Variants in KCNG3 observed in about 807,000 individuals in gnomAD.
KCNG3 encodes potassium voltage-gated channel modifier subfamily G member 3.
Under a neutral mutation model 29.0 loss-of-function variants are expected in KCNG3, and 15 were observed. That is an observed-to-expected ratio of 0.52 (90% confidence interval 0.35 to 0.80). The LOEUF is 0.80. KCNG3 is among the 30% of genes least tolerant of loss of function. The pLI is 0.01. For synonymous variants in KCNG3, 322 were observed against 248.9 expected, an observed-to-expected ratio of 1.29 and a Z score of -2.76; for missense variants, 512 against 605.7, an observed-to-expected ratio of 0.85 and a Z score of 1.62.
intron 1 of KCNG3, among the ~76,000 whole-genome samples, chr2:42,475,961 G>A (rs2103717894): frequency 6.6e-6 from 1 of 152,252 alleles, no homozygotes; most frequent in South Asian, 2.1e-4. Context: ...AGCTACTCGG[G>A]AGGCTGAGGC....
the KCNG3 span, among the ~76,000 whole-genome samples, chr2:42,436,930 A>T: frequency 4.6e-5 from 7 of 152,100 alleles, no homozygotes; most frequent in African/African-American, 1.2e-4. Flanking sequence ...GAAAAATGAA[A>T]TTTTTTTTAA....
At chr2:42,477,539 T>C (rs1206441349) in intron 1 of KCNG3, among the ~76,000 whole-genome samples, 1 of 149,520 alleles carries the variant, frequency 6.7e-6, no homozygotes, top group African/African-American at 2.5e-5. Flanking sequence ...GCCGTTCTCC[T>C]GCCCCAGCCT....
At chr2:42,390,677 G>T in the KCNG3 span, among the ~76,000 whole-genome samples, 2 of 152,098 alleles carry the variant, frequency 1.3e-5, no homozygotes, top group South Asian at 4.1e-4. Context: ...ACCTTTCTCA[G>T]AACTGTCAAA....
At chr2:42,436,067 T>C in the KCNG3 span, among the ~76,000 whole-genome samples, 1 of 152,254 alleles carries the variant, frequency 6.6e-6, no homozygotes, top group Non-Finnish European at 1.5e-5. Context: ...AGGAATGATG[T>C]ACTGATACAT....
At chr2:42,478,664 G>A (rs184736468) in intron 1 of KCNG3, among the ~76,000 whole-genome samples, 150 of 152,298 alleles carry the variant, frequency 9.8e-4, no homozygotes, top group African/African-American at 3.5e-3. Context: ...ACCCCAGGCT[G>A]TGTTAGTTCT....
the KCNG3 span, among the ~76,000 whole-genome samples, chr2:42,408,991 C>A: frequency 6.6e-6 from 1 of 152,122 alleles, no homozygotes; most frequent in African/African-American, 2.4e-5. Context: ...CTGGTCCGGC[C>A]GCAGCCTCAC....
chr2:42,417,927 G>A, the KCNG3 span, among the ~76,000 whole-genome samples: 14 of 151,644 alleles, frequency 9.2e-5, no homozygotes, highest in African/African-American at 1.9e-4. Flanking sequence ...AGCTGAGATC[G>A]CGCCACTGCA....
the KCNG3 span, among the ~76,000 whole-genome samples, chr2:42,398,372 C>G: frequency 6.6e-6 from 1 of 152,162 alleles, no homozygotes; most frequent in East Asian, 1.9e-4. Flanking sequence ...TTGTTTTGCT[C>G]AACTTCTGAG....
the KCNG3 span, chr2:42,425,215 T>G: frequency 6.9e-6 from 1 of 144,826 alleles, no homozygotes; most frequent in Non-Finnish European, 1.5e-5. Context: ...CCGGCCAGCA[T>G]GGCAAAAACC....
the KCNG3 span, among the ~76,000 whole-genome samples, chr2:42,411,750 TG>T: frequency 6.6e-6 from 1 of 152,218 alleles, no homozygotes; most frequent in African/African-American, 2.4e-5. Context: ...CCCAAAGTGC[TG>T]GAATTACAGG....
At chr2:42,428,474 A>G in the KCNG3 span, among the ~76,000 whole-genome samples, 23 of 149,722 alleles carry the variant, frequency 1.5e-4, no homozygotes, top group Admixed American at 6.7e-4. Context: ...AAAAAAAAAA[A>G]AAAAGAAAAG....
At chr2:42,483,025 G>A (rs1372305193) in intron 1 of KCNG3, among the ~76,000 whole-genome samples, 4 of 152,122 alleles carry the variant, frequency 2.6e-5, no homozygotes, top group African/African-American at 9.7e-5. Context: ...GGAGGCTACA[G>A]TGGGAGGATC....
the KCNG3 span, among the ~76,000 whole-genome samples, chr2:42,390,655 G>A: frequency 4.1e-4 from 62 of 152,288 alleles, no homozygotes; most frequent in African/African-American, 1.5e-3. Context: ...TGATCATGTG[G>A]ACTTATTCCT....
At chr2:42,463,182 T>C (rs189823648) in intron 1 of KCNG3, 7 of 348,378 alleles carry the variant, frequency 2.0e-5, no homozygotes, top group Admixed American at 1.7e-4. Context: ...GCCACCAGCA[T>C]CGACGTTCTT....
At position 42,442,475 on chromosome 2, in the gene KCNG3, T is replaced by C. The variant is rs1672507658; in HGVS notation, c.*1459A>G. 1 of 152,178 alleles carries C rather than the reference T, an allele frequency of 6.6e-6. No individual in the cohort carries two copies. The highest frequency in any genetic ancestry group is 2.4e-5 in the African/African-American group (1 of 41,446). The allele number at this position is 152,178 out of a possible 1,614,324, so 9.4% of individuals were successfully genotyped here. Reference sequence around the variant, plus strand: ...GCCCTGATTTTCTACCTGTAATAGTTGAGGTTTGAACTAGATGATGGCTAA... The same window carrying C: ...GCCCTGATTTTCTACCTGTAATAGTCGAGGTTTGAACTAGATGATGGCTAA... On this transcript the variant is annotated 3_prime_UTR_variant, in exon 2 of 2. Coordinates refer to ENST00000306078, the MANE Select transcript of KCNG3 (RefSeq NM_133329.6).
chr2:42,408,261 G>A, the KCNG3 span, among the ~76,000 whole-genome samples: 1 of 152,196 alleles, frequency 6.6e-6, no homozygotes, highest in Non-Finnish European at 1.5e-5. Context: ...CCCCGGTGAG[G>A]CCCCACCTTC....
the KCNG3 span, among the ~76,000 whole-genome samples, chr2:42,403,129 C>G: frequency 6.6e-6 from 1 of 152,146 alleles, no homozygotes; most frequent in Non-Finnish European, 1.5e-5. Flanking sequence ...AATGGTCTCT[C>G]TCTTATTGTT....
intron 1 of KCNG3, among the ~76,000 whole-genome samples, chr2:42,455,093 T>C (rs1672847008): frequency 6.6e-6 from 1 of 152,244 alleles, no homozygotes; most frequent in South Asian, 2.1e-4. Flanking sequence ...TGAGCAGTGA[T>C]GGAATACAAA....
the KCNG3 span, among the ~76,000 whole-genome samples, chr2:42,432,724 T>A: frequency 6.6e-6 from 1 of 152,212 alleles, no homozygotes; most frequent in Admixed American, 6.5e-5. Context: ...AGAATCAGTT[T>A]AATGAACTTA....
Sources: allele counts gnomAD v4.1 joint callset (sites outside exome capture counted in the v4.1 genomes callset), GRCh38; gene constraint gnomAD v4.1.1; transcripts MANE v1.5; gene names NCBI Gene and HGNC (gene_info 2026-07-23, HGNC 2026-07-21).